Variants in AGBL1 observed in about 807,000 individuals in gnomAD.
The protein encoded by AGBL1 is AGBL carboxypeptidase 1, also known as cytosolic carboxypeptidase 4.
In AGBL1, 130 loss-of-function variants were observed where a neutral mutation model predicts 118.9. The observed-to-expected ratio is 1.09, with a 90% CI of 0.95 to 1.26. AGBL1 has a LOEUF of 1.26. Ranked by LOEUF, AGBL1 falls within the 50% of genes most tolerant of loss-of-function variation. The pLI is 0.00. For missense variants in AGBL1, 1,584 were observed against 1,298.1 expected, an observed-to-expected ratio of 1.22 and a Z score of -3.38; for synonymous variants, 555 against 478.9, an observed-to-expected ratio of 1.16 and a Z score of -2.08.
At chr15:86,377,891 A>G (rs2081061559) in intron 17 of AGBL1, among the ~76,000 whole-genome samples, 1 of 152,206 alleles carries the variant, frequency 6.6e-6, no homozygotes, top group Non-Finnish European at 1.5e-5. Context: ...ATAAAAACTC[A>G]TGCTCATAAG....
chr15:86,650,720 G>C (rs1375771434), intron 21 of AGBL1, among the ~76,000 whole-genome samples: 1 of 152,214 alleles, frequency 6.6e-6, no homozygotes, highest in Non-Finnish European at 1.5e-5. Context: ...TCCAGCAACT[G>C]TCCTTGAATC....
chr15:86,956,953 G>A (rs565345546), intron 23 of AGBL1, among the ~76,000 whole-genome samples: 25 of 152,028 alleles, frequency 1.6e-4, no homozygotes, highest in African/African-American at 4.8e-4. Context: ...GAATTAAAAC[G>A]GTATAGATTG....
chr15:86,419,753 C>G (rs142257325), intron 18 of AGBL1, among the ~76,000 whole-genome samples: 1 of 152,158 alleles, frequency 6.6e-6, no homozygotes, highest in Admixed American at 6.5e-5. Flanking sequence ...CTGAAGTCGA[C>G]CTGGGATGCT....
At chr15:86,854,828 A>C (rs1054523012) in intron 22 of AGBL1, among the ~76,000 whole-genome samples, 1 of 152,176 alleles carries the variant, frequency 6.6e-6, no homozygotes, top group African/African-American at 2.4e-5. Flanking sequence ...CTAGCAGCTC[A>C]AAGACCATCA....
At chr15:86,537,653 C>G (rs2083444266) in intron 19 of AGBL1, among the ~76,000 whole-genome samples, 1 of 152,202 alleles carries the variant, frequency 6.6e-6, no homozygotes, top group Non-Finnish European at 1.5e-5. Context: ...ACTCGTCCAT[C>G]AAATGTTTTA....
intron 22 of AGBL1, among the ~76,000 whole-genome samples, chr15:86,870,609 A>G (rs1019921920): frequency 6.6e-6 from 1 of 151,992 alleles, no homozygotes; most frequent in Non-Finnish European, 1.5e-5. Context: ...TATTCCTGGG[A>G]GCCTTGAGAT....
chr15:86,299,758 G>T (rs2079716651), intron 17 of AGBL1: 1 of 152,008 alleles, frequency 6.6e-6, no homozygotes, highest in Non-Finnish European at 1.5e-5. Context: ...CAAGCTTCCA[G>T]GTAGATTTGA....
intron 22 of AGBL1, among the ~76,000 whole-genome samples, chr15:86,839,970 C>G (rs1047676697): frequency 1.3e-5 from 2 of 152,154 alleles, no homozygotes; most frequent in African/African-American, 4.8e-5. Flanking sequence ...CAAGTCACAA[C>G]TTTCTTATAT....
chr15:86,384,664 TATCTC>T (rs1233397802), intron 17 of AGBL1, among the ~76,000 whole-genome samples: 1 of 152,192 alleles, frequency 6.6e-6, no homozygotes, highest in African/African-American at 2.4e-5. Flanking sequence ...CTAAAATTGT[TATCTC>T]AGCCTCGATT....
chr15:86,427,533 T>C (rs2081881649), intron 18 of AGBL1, among the ~76,000 whole-genome samples: 1 of 151,960 alleles, frequency 6.6e-6, no homozygotes, highest in Non-Finnish European at 1.5e-5. Context: ...ATAAAATACA[T>C]TCTTCAATTT....
chr15:86,958,243 G>A (rs956509961), intron 23 of AGBL1, among the ~76,000 whole-genome samples: 1 of 150,856 alleles, frequency 6.6e-6, no homozygotes, highest in African/African-American at 2.4e-5. Flanking sequence ...AATGAAAGAT[G>A]GTAGAATGGG....
intron 5 of AGBL1, among the ~76,000 whole-genome samples, chr15:86,213,409 T>C (rs1347801653): frequency 3.3e-5 from 5 of 152,160 alleles, no homozygotes; most frequent in African/African-American, 7.2e-5. Context: ...TCCTAGACCA[T>C]AGCATTAGCA....
intron 22 of AGBL1, among the ~76,000 whole-genome samples, chr15:86,828,725 A>C (rs1257247300): frequency 6.6e-6 from 1 of 152,104 alleles, no homozygotes; most frequent in Non-Finnish European, 1.5e-5. Context: ...AACAGAATAC[A>C]TTTGTATTGT....
intron 21 of AGBL1, among the ~76,000 whole-genome samples, chr15:86,598,855 G>T (rs2084448455): frequency 6.6e-6 from 1 of 152,146 alleles, no homozygotes; most frequent in South Asian, 2.1e-4. Context: ...CTGTTGAATT[G>T]TCAATGTAAG....
intron 22 of AGBL1, among the ~76,000 whole-genome samples, chr15:86,716,287 GT>G (rs2086637511): frequency 6.6e-6 from 1 of 151,762 alleles, no homozygotes. Flanking sequence ...ACTCAACCCA[GT>G]CCTTTTTTTT....
At chr15:86,838,397 G>A (rs1472178154) in intron 22 of AGBL1, among the ~76,000 whole-genome samples, 2 of 152,010 alleles carry the variant, frequency 1.3e-5, no homozygotes, top group Non-Finnish European at 2.9e-5. Context: ...TTTTTAAAGT[G>A]TGGAAAGGCT....
chr15:86,297,648 T>C (rs1054149318), intron 17 of AGBL1, among the ~76,000 whole-genome samples: 1 of 152,176 alleles, frequency 6.6e-6, no homozygotes, highest in Admixed American at 6.5e-5. Flanking sequence ...TTTAACCTAT[T>C]TTTCCCACTC....
chr15:86,445,181 GC>G (rs1274794963), intron 18 of AGBL1, among the ~76,000 whole-genome samples: 4 of 152,172 alleles, frequency 2.6e-5, no homozygotes, highest in African/African-American at 9.7e-5. Flanking sequence ...TTGACTTGAA[GC>G]CCATCACCCT....
chr15:86,212,072 C>G (rs2078108443), intron 5 of AGBL1, among the ~76,000 whole-genome samples: 1 of 152,168 alleles, frequency 6.6e-6, no homozygotes, highest in Non-Finnish European at 1.5e-5. Flanking sequence ...TATGTGGTTT[C>G]TAGAAGTAGT....
Sources: allele counts gnomAD v4.1 joint callset (sites outside exome capture counted in the v4.1 genomes callset), GRCh38; gene constraint gnomAD v4.1.1; transcripts MANE v1.5; gene names NCBI Gene and HGNC (gene_info 2026-07-23, HGNC 2026-07-21).